KIF2A: variants seen among roughly 807,000 people sequenced by gnomAD.
KIF2A encodes the protein kinesin family member 2A.
In KIF2A, 22 loss-of-function variants were observed where a neutral mutation model predicts 100.2. The ratio of observed to expected loss-of-function variants is 0.22; its 90% CI spans 0.16 to 0.31. KIF2A has a LOEUF of 0.31. Among genes scored for constraint, KIF2A ranks in the 10% least tolerant of loss-of-function variants. The probability of loss-of-function intolerance (pLI) is 1.00; values close to 1 mark genes in which losing one functional copy is unlikely to be tolerated. For synonymous variants in KIF2A, 268 were observed against 285.9 expected (o/e 0.94, Z 0.63); for missense variants, 495 against 898.7 (o/e 0.55, Z 5.74).
intron 1 of KIF2A, among the ~76,000 whole-genome samples, chr5:62,338,429 C>T (rs1747091433): frequency 1.3e-5 from 2 of 152,298 alleles, no homozygotes; most frequent in African/African-American, 4.8e-5. Context: ...TCTGGGATTA[C>T]AGACACCCAC....
rs56737603 is a variant in KIF2A, at chr5:62,344,346, CA to C, written c.65-2769del. On this transcript the variant is annotated intron_variant, in intron 1 of 20. Coordinates refer to ENST00000407818, the MANE Select transcript of KIF2A (RefSeq NM_001098511.3). The stretch of plus-strand genomic sequence containing the variant: ...CTGGTGACAGAGCGCGACTCCATCT[CA>C]AAAAAAAAAAAAAATGCAGATACCT... Among the ~76,000 whole-genome samples, 482 of 116,488 alleles carry C rather than the reference CA, an allele frequency of 4.1e-3. 4 individuals are homozygous for C. The East Asian group carries it at 0.051, about 12-fold the overall frequency. 76.4% of individuals were successfully genotyped at this position (116,488 alleles called of 152,430 possible).
intron 19 of KIF2A, among the ~76,000 whole-genome samples, 188 bp from the exon 20 acceptor site, chr5:62,380,930 T>G (rs1447766536): frequency 6.6e-6 from 1 of 152,190 alleles, no homozygotes; most frequent in African/African-American, 2.4e-5. Context: ...CCCAAACAGT[T>G]TAAACCCATG....
chr5:62,364,504 C>A (rs1740976336), intron 14 of KIF2A, among the ~76,000 whole-genome samples: 1 of 152,100 alleles, frequency 6.6e-6, no homozygotes, highest in Non-Finnish European at 1.5e-5. Flanking sequence ...CTGAATTGAG[C>A]TAAGAAACAG....
intron 17 of KIF2A, 34 bp downstream of exon 17, chr5:62,372,585 G>A (rs1191527986): frequency 1.5e-5 from 17 of 1,157,774 alleles, no homozygotes; most frequent in Non-Finnish European, 2.2e-5. Flanking sequence ...ATGTTTATTT[G>A]TATACTTTCT....
intron 20 of KIF2A, 74 bp from the exon 21 acceptor site, chr5:62,385,410 T>C (rs746438927): frequency 1.0e-6 from 1 of 1,002,870 alleles, no homozygotes; most frequent in Non-Finnish European, 1.5e-6. Flanking sequence ...GCTGACTTGA[T>C]TGAACCCATA....
intron 9 of KIF2A, among the ~76,000 whole-genome samples, chr5:62,359,070 T>C (rs1444418818): frequency 6.6e-6 from 1 of 152,220 alleles, no homozygotes; most frequent in African/African-American, 2.4e-5. Context: ...GTATTTAAAT[T>C]TGTCATCTTT....
chr5:62,310,737 G>A (rs1005064383), intron 1 of KIF2A, among the ~76,000 whole-genome samples: 16 of 152,310 alleles, frequency 1.1e-4, no homozygotes, highest in African/African-American at 3.8e-4. Flanking sequence ...AGATAACCTG[G>A]TATGAAATTG....
intron 1 of KIF2A, among the ~76,000 whole-genome samples, chr5:62,309,782 C>T (rs773169054): frequency 6.6e-6 from 1 of 152,118 alleles, no homozygotes; most frequent in Non-Finnish European, 1.5e-5. Flanking sequence ...AAACATATCC[C>T]AAGGGCAAAC....
chr5:62,311,960 G>T (rs903452081), intron 1 of KIF2A: 6 of 152,194 alleles, frequency 3.9e-5, no homozygotes, highest in Non-Finnish European at 7.3e-5. Flanking sequence ...AAGATCACAT[G>T]GTTAATAAGG....
chr5:62,342,714 C>T (rs1331714563), intron 1 of KIF2A, among the ~76,000 whole-genome samples: 2 of 151,998 alleles, frequency 1.3e-5, no homozygotes, highest in African/African-American at 4.8e-5. Flanking sequence ...TTCAAATCTG[C>T]ATCATGGTCT....
At chr5:62,372,371 T>C in intron 16 of KIF2A, 67 bp from the exon 17 acceptor site, 1 of 760,038 alleles carries the variant, frequency 1.3e-6, no homozygotes, top group Non-Finnish European at 2.3e-6. Flanking sequence ...TAAATGAAAA[T>C]GTGCAATGTG....
chr5:62,350,451 G>A (rs558468622), intron 4 of KIF2A, among the ~76,000 whole-genome samples: 6 of 151,394 alleles, frequency 4.0e-5, no homozygotes, highest in Non-Finnish European at 7.4e-5. Flanking sequence ...CTAATTTTTT[G>A]ATTTTTTAGT....
At chr5:62,367,539 T>C (rs1741136175) in intron 16 of KIF2A, among the ~76,000 whole-genome samples, 1 of 152,172 alleles carries the variant, frequency 6.6e-6, no homozygotes, top group Non-Finnish European at 1.5e-5. Flanking sequence ...AGTGCTAGGA[T>C]TACAGGCGTG....
chr5:62,366,627 C>T lies in KIF2A; in HGVS notation c.1646+146C>T, dbSNP rs181775927. 1,274 of 531,102 alleles carry T rather than the reference C, an allele frequency of 2.4e-3. 21 individuals are homozygous for T. The highest frequency in any genetic ancestry group is 0.023 in the African/African-American group (1,144 of 50,314). 32.9% of individuals were successfully genotyped at this position (531,102 alleles called of 1,614,324 possible). ...CGGGCGGATCACAAGGTCAGGAGAT[C>T]GAGATTATCCTGGCTAACATGGTGA... On this transcript the variant is annotated intron_variant, in intron 16 of 20. Transcript: ENST00000407818.
chr5:62,374,223 G>A (rs1741442930), intron 18 of KIF2A, among the ~76,000 whole-genome samples: 3 of 152,104 alleles, frequency 2.0e-5, no homozygotes, highest in South Asian at 4.1e-4. Context: ...TAAAATAAAT[G>A]AGTAAATAAG....
chr5:62,373,911 C>T, intron 18 of KIF2A, 74 bp downstream of exon 18: 1 of 1,206,512 alleles, frequency 8.3e-7, no homozygotes, highest in Non-Finnish European at 1.2e-6. Context: ...TGAAAACTAT[C>T]ATTTAAATGA....
chr5:62,367,194 A>G (rs943082017), intron 16 of KIF2A, among the ~76,000 whole-genome samples: 5 of 152,140 alleles, frequency 3.3e-5, no homozygotes, highest in African/African-American at 1.2e-4. Context: ...ATAATATTAA[A>G]TGCTCTATAT....
At chr5:62,311,532 CAAAGA>C (rs1745551829) in intron 1 of KIF2A, among the ~76,000 whole-genome samples, 1 of 152,106 alleles carries the variant, frequency 6.6e-6, no homozygotes, top group Admixed American at 6.6e-5. Flanking sequence ...TCAGGGCAGG[CAAAGA>C]AAATCTTTAG....
At chr5:62,335,638 T>C (rs1174617451) in intron 1 of KIF2A, among the ~76,000 whole-genome samples, 1 of 152,148 alleles carries the variant, frequency 6.6e-6, no homozygotes, top group Non-Finnish European at 1.5e-5. Flanking sequence ...GCAGGGCTTG[T>C]CCGGATTCCT....
Sources: gnomAD v4.1 joint callset for allele counts (sites outside exome capture counted in the v4.1 genomes callset) on GRCh38, gnomAD v4.1.1 for gene constraint, MANE v1.5 for transcripts, NCBI Gene and HGNC (gene_info 2026-07-23, HGNC 2026-07-21) for gene names.